RNASE10: variants seen among roughly 807,000 people sequenced by gnomAD.
The protein encoded by RNASE10 is inactive ribonuclease-like protein 10.
A neutral mutation model predicts 1.1 loss-of-function variants in RNASE10; 2 were observed. The observed-to-expected ratio is 1.82, with a 90% confidence interval of 0.74 to 5.73. The LOEUF (loss-of-function observed/expected upper bound fraction) is 5.73, where lower values mean the gene tolerates loss of function less well. RNASE10 is among the 30% of genes most tolerant of loss of function. The probability of loss-of-function intolerance (pLI) is 0.05; values close to 1 mark genes in which losing one functional copy is unlikely to be tolerated. For missense variants in RNASE10, 276 were observed against 263.4 expected, an observed-to-expected ratio of 1.05 and a Z score of -0.33; for synonymous variants, 97 against 96.2, an observed-to-expected ratio of 1.01 and a Z score of -0.05.
intron 1 of RNASE10, among the ~76,000 whole-genome samples, chr14:20,507,586 C>G (rs1239006911): frequency 7.5e-6 from 1 of 133,114 alleles, no homozygotes; most frequent in Non-Finnish European, 1.6e-5. Flanking sequence ...TCCCCCTCTG[C>G]GAGAAACACC....
chr14:20,509,483 A>G (rs1378065277), intron 1 of RNASE10, among the ~76,000 whole-genome samples: 1 of 152,248 alleles, frequency 6.6e-6, no homozygotes, highest in African/African-American at 2.4e-5. Context: ...AGAGATCTTT[A>G]ATAGTAGAAG....
chr14:20,512,698 G>C (rs149225854), downstream of RNASE10, among the ~76,000 whole-genome samples: 3 of 152,282 alleles, frequency 2.0e-5, no homozygotes, highest in African/African-American at 7.2e-5. Context: ...CTTAGGAACA[G>C]TGTTGTCTCC....
upstream of RNASE10, among the ~76,000 whole-genome samples, chr14:20,505,377 G>T (rs778231465): frequency 1.9e-4 from 16 of 82,446 alleles, 1 homozygote; most frequent in East Asian, 7.8e-4. Flanking sequence ...AAAGCTGGAC[G>T]GTACTGCTGC....
chr14:20,505,258 TTTG>T (rs1566535769), upstream of RNASE10, among the ~76,000 whole-genome samples: 34 of 90,214 alleles, frequency 3.8e-4, 1 homozygote, highest in African/African-American at 1.4e-3. Context: ...AAAAAGTGAG[TTTG>T]CTCCCTCTCC....
At chr14:20,508,819 T>TA (rs1882817877) in intron 1 of RNASE10, among the ~76,000 whole-genome samples, 1 of 152,224 alleles carries the variant, frequency 6.6e-6, no homozygotes, top group Non-Finnish European at 1.5e-5. Flanking sequence ...CTTATGTAGA[T>TA]ATGTATGTAT....
chr14:20,511,300 A>G (rs1402113268), downstream of RNASE10: 2 of 483,470 alleles, frequency 4.1e-6, no homozygotes, highest in Non-Finnish European at 7.0e-6. Flanking sequence ...TAAGGTGATG[A>G]TGCCTAGTTT....
At chr14:20,506,184 G>GC (rs1555335563) in intron 1 of RNASE10, among the ~76,000 whole-genome samples, 165 bp downstream of exon 1, 2 of 137,874 alleles carry the variant, frequency 1.5e-5, no homozygotes, top group African/African-American at 2.7e-5. Context: ...GAGGGAGGTG[G>GC]GGGGGGGTCA....
exon 2 of RNASE10, chr14:20,510,658 C>A (rs537675210): frequency 6.2e-7 from 1 of 1,614,194 alleles, no homozygotes; most frequent in South Asian, 1.1e-5. Flanking sequence ...AGACGGCACC[C>A]AAACCACAGA....
intron 1 of RNASE10, among the ~76,000 whole-genome samples, chr14:20,507,042 G>A (rs1258683481): frequency 6.6e-6 from 1 of 150,584 alleles, no homozygotes; most frequent in African/African-American, 2.5e-5. Flanking sequence ...GGTGAGGGGC[G>A]CCTCTGCCCG....
At chr14:20,509,846 G>A (rs1882848316) in intron 1 of RNASE10, among the ~76,000 whole-genome samples, 2 of 151,818 alleles carry the variant, frequency 1.3e-5, no homozygotes, top group South Asian at 4.1e-4. Flanking sequence ...ATTGATGTCA[G>A]GGGCATGGTG....
At chr14:20,506,709 G>A (rs1882735473) in intron 1 of RNASE10, among the ~76,000 whole-genome samples, 1 of 129,074 alleles carries the variant, frequency 7.7e-6, no homozygotes, top group Non-Finnish European at 1.7e-5. Flanking sequence ...GTCCGGGAGG[G>A]AGGTGGGGGG....
downstream of RNASE10, among the ~76,000 whole-genome samples, chr14:20,513,743 C>T (rs1288112567): frequency 6.6e-6 from 1 of 152,190 alleles, no homozygotes; most frequent in Admixed American, 6.5e-5. Context: ...AACATACACA[C>T]ATTAACATAC....
At chr14:20,508,983 T>C (rs1882827451) in intron 1 of RNASE10, among the ~76,000 whole-genome samples, 1 of 152,156 alleles carries the variant, frequency 6.6e-6, no homozygotes, top group Non-Finnish European at 1.5e-5. Context: ...GCAATTTTTT[T>C]TTTTTCTGGC....
chr14:20,507,422 C>G (rs915582047), intron 1 of RNASE10, among the ~76,000 whole-genome samples: 89 of 132,244 alleles, frequency 6.7e-4, no homozygotes, highest in African/African-American at 1.1e-3. Flanking sequence ...GCAGCATGCT[C>G]GTTAAGAGTC....
chr14:20,508,680 A>G (rs546668902), intron 1 of RNASE10, among the ~76,000 whole-genome samples: 2 of 152,320 alleles, frequency 1.3e-5, no homozygotes, highest in African/African-American at 4.8e-5. Flanking sequence ...AGGGGGGAAA[A>G]ACATGCTGCA....
exon 2 of RNASE10, chr14:20,511,051 A>G (rs953924316): frequency 1.3e-6 from 2 of 1,531,218 alleles, no homozygotes; most frequent in Non-Finnish European, 1.8e-6. Context: ...CAATTACCTA[A>G]CTTCTGTTAT....
chr14:20,504,920 G>T (rs549925987), upstream of RNASE10, among the ~76,000 whole-genome samples: 2 of 152,042 alleles, frequency 1.3e-5, no homozygotes, highest in South Asian at 4.2e-4. Context: ...GCCAGCCCCC[G>T]CCACACGTAC....
chr14:20,511,376 C>G (rs1160363600), downstream of RNASE10, among the ~76,000 whole-genome samples: 1 of 152,164 alleles, frequency 6.6e-6, no homozygotes, highest in South Asian at 2.1e-4. Context: ...TGCTGTAGTC[C>G]GTACTGTAGT....
downstream of RNASE10, among the ~76,000 whole-genome samples, chr14:20,513,078 G>A (rs746907903): frequency 1.1e-4 from 16 of 152,166 alleles, no homozygotes; most frequent in Non-Finnish European, 2.1e-4. Context: ...CTAGTATTCA[G>A]ATGTGGCTCC....
Sources: gnomAD v4.1 joint callset for allele counts (sites outside exome capture counted in the v4.1 genomes callset) on GRCh38, gnomAD v4.1.1 for gene constraint, MANE v1.5 for transcripts, NCBI Gene and HGNC (gene_info 2026-07-23, HGNC 2026-07-21) for gene names.